NELL1: variants seen among roughly 807,000 people sequenced by gnomAD.
NELL1 encodes protein kinase C-binding protein NELL1.
NELL1 carries 76 observed loss-of-function variants against 107.4 expected under a neutral mutation model. That is an observed-to-expected ratio of 0.71 (90% CI 0.59 to 0.86). NELL1 has a LOEUF of 0.86. Ranked by LOEUF, NELL1 falls within the 40% of genes least tolerant of loss-of-function variation. The probability of loss-of-function intolerance (pLI) is 0.00; values close to 1 mark genes in which losing one functional copy is unlikely to be tolerated. For synonymous variants in NELL1, 353 were observed against 341.2 expected, an observed-to-expected ratio of 1.03 and a Z score of -0.38; for missense variants, 1,024 against 1,005.5, an observed-to-expected ratio of 1.02 and a Z score of -0.25.
chr11:20,907,127 A>G (rs1850016770), intron 5 of NELL1, among the ~76,000 whole-genome samples: 1 of 151,974 alleles, frequency 6.6e-6, no homozygotes, highest in African/African-American at 2.4e-5. Flanking sequence ...CTCAAAATCA[A>G]CTAACATTCT....
At chr11:21,067,256 A>G (rs1167927331) in intron 12 of NELL1, among the ~76,000 whole-genome samples, 1 of 152,240 alleles carries the variant, frequency 6.6e-6, no homozygotes, top group African/African-American at 2.4e-5. Flanking sequence ...TAACAAGTAC[A>G]AGGAAAGGAA....
chr11:21,106,174 G>T (rs1161486385), intron 12 of NELL1, among the ~76,000 whole-genome samples: 1 of 151,798 alleles, frequency 6.6e-6, no homozygotes, highest in Non-Finnish European at 1.5e-5. Flanking sequence ...AAAGATCAGA[G>T]ACCTAGCCCA....
intron 2 of NELL1, among the ~76,000 whole-genome samples, chr11:20,782,911 A>G (rs11825779): frequency 0.29 from 43,832 of 152,066 alleles, 7,147 homozygotes; most frequent in African/African-American, 0.43. Context: ...TTATGCTGAT[A>G]TTGGAGAAAG....
At chr11:20,805,400 C>T (rs1360923152) in intron 3 of NELL1, among the ~76,000 whole-genome samples, 2 of 150,978 alleles carry the variant, frequency 1.3e-5, no homozygotes, top group African/African-American at 4.9e-5. Flanking sequence ...TTCCTGTCTT[C>T]CTTTTAGTGA....
chr11:21,460,597 T>C (rs1391298195), intron 15 of NELL1, among the ~76,000 whole-genome samples: 1 of 152,088 alleles, frequency 6.6e-6, no homozygotes, highest in Non-Finnish European at 1.5e-5. Flanking sequence ...TAGTACTCCT[T>C]ATAAATGCGA....
chr11:20,837,348 C>T (rs1848549620), intron 3 of NELL1, among the ~76,000 whole-genome samples: 2 of 151,914 alleles, frequency 1.3e-5, no homozygotes, highest in East Asian at 1.9e-4. Context: ...TCATGTTTAG[C>T]TTACTTTAGA....
At chr11:20,707,686 G>A (rs1207743270) in intron 2 of NELL1, among the ~76,000 whole-genome samples, 1 of 152,206 alleles carries the variant, frequency 6.6e-6, no homozygotes, top group Non-Finnish European at 1.5e-5. Context: ...AGAATAGCAA[G>A]TATTGCAGAA....
chr11:20,980,045 A>G (rs978507052), intron 12 of NELL1, among the ~76,000 whole-genome samples: 2 of 152,210 alleles, frequency 1.3e-5, no homozygotes, highest in Admixed American at 6.5e-5. Flanking sequence ...GCATTTTTCT[A>G]AATACTCAAT....
intron 14 of NELL1, among the ~76,000 whole-genome samples, chr11:21,335,250 C>A (rs1850365254): frequency 1.3e-5 from 2 of 151,904 alleles, no homozygotes; most frequent in Non-Finnish European, 2.9e-5. Context: ...ATAGATATTT[C>A]TAAATATTTT....
chr11:20,764,899 T>A (rs327037), intron 2 of NELL1, among the ~76,000 whole-genome samples: 7 of 151,952 alleles, frequency 4.6e-5, no homozygotes, highest in Non-Finnish European at 1.0e-4. Flanking sequence ...GGATGACTCA[T>A]GCCTGTAATC....
At chr11:21,149,547 C>T (rs1856066700) in intron 13 of NELL1, among the ~76,000 whole-genome samples, 2 of 152,298 alleles carry the variant, frequency 1.3e-5, no homozygotes, top group South Asian at 4.1e-4. Context: ...ATCCCCTCCC[C>T]TGCCCCACAT....
chr11:21,167,518 A>G (rs2133807915), intron 13 of NELL1, among the ~76,000 whole-genome samples: 1 of 151,928 alleles, frequency 6.6e-6, no homozygotes, highest in African/African-American at 2.4e-5. Context: ...GAAATAGGGA[A>G]CTTTTCCTGC....
chr11:21,365,601 G>A (rs556104975), intron 14 of NELL1, among the ~76,000 whole-genome samples: 1 of 152,250 alleles, frequency 6.6e-6, no homozygotes, highest in East Asian at 1.9e-4. Context: ...TACTGGAACT[G>A]CTGATACAAA....
At chr11:21,095,467 ATTAG>A (rs1854619102) in intron 12 of NELL1, among the ~76,000 whole-genome samples, 1 of 152,090 alleles carries the variant, frequency 6.6e-6, no homozygotes, top group African/African-American at 2.4e-5. Flanking sequence ...ATTTTACTGT[ATTAG>A]TTTGTTTTCA....
At chr11:21,394,666 G>A (rs1404492762) in intron 15 of NELL1, among the ~76,000 whole-genome samples, 1 of 151,320 alleles carries the variant, frequency 6.6e-6, no homozygotes, top group African/African-American at 2.4e-5. Flanking sequence ...TCTCTGGAAG[G>A]GAGACACATT....
rs1857914636 is a variant in NELL1 at position 20,827,690 on chromosome 11, A to G, written c.336-19893A>G. 1.3e-5 allele frequency among the ~76,000 whole-genome samples: 2 copies of G among 151,370 alleles called. 1 individual carries two copies. Among genetic ancestry groups the G allele is most frequent in the Non-Finnish European group, 3.0e-5 (2 of 67,618 alleles). ...CTGACATTTCATTGTCCGGAACTCA[A>G]GCATATGGCCACACCTAGTATTATT... On this transcript the variant is annotated intron_variant, in intron 3 of 19. Transcript: ENST00000357134.
At chr11:21,489,757 T>C (rs1430384003) in intron 15 of NELL1, among the ~76,000 whole-genome samples, 1 of 152,092 alleles carries the variant, frequency 6.6e-6, no homozygotes. Context: ...CCCTTTGTGA[T>C]AAAAACTCTC....
At chr11:20,759,633 T>C (rs1856375823) in intron 2 of NELL1, among the ~76,000 whole-genome samples, 2 of 152,230 alleles carry the variant, frequency 1.3e-5, no homozygotes. Flanking sequence ...TTGTTCTCTC[T>C]TCTCAACTCT....
chr11:21,561,196 A>C (rs1001320992), intron 17 of NELL1, among the ~76,000 whole-genome samples: 1 of 152,036 alleles, frequency 6.6e-6, no homozygotes, highest in East Asian at 1.9e-4. Context: ...TTACTTGCTT[A>C]GTAGCCTCTT....
Sources: gnomAD v4.1 joint callset for allele counts (sites outside exome capture counted in the v4.1 genomes callset) on GRCh38, gnomAD v4.1.1 for gene constraint, MANE v1.5 for transcripts, NCBI Gene and HGNC (gene_info 2026-07-23, HGNC 2026-07-21) for gene names.